The following PTPRN2 variants were observed in gnomAD, a reference collection of about 807,000 sequenced individuals.
PTPRN2 encodes receptor-type tyrosine-protein phosphatase N2.
In PTPRN2, 74 loss-of-function variants were observed where a neutral mutation model predicts 118.8. The ratio of observed to expected loss-of-function variants is 0.62; its 90% CI spans 0.52 to 0.76. PTPRN2 has a LOEUF of 0.76. Among genes scored for constraint, PTPRN2 ranks in the 30% least tolerant of loss-of-function variants. The probability of loss-of-function intolerance (pLI) is 0.00; values close to 1 mark genes in which losing one functional copy is unlikely to be tolerated. For missense variants in PTPRN2, 1,481 were observed against 1,394.4 expected (o/e 1.06, Z -0.99); for synonymous variants, 641 against 608.0 (o/e 1.05, Z -0.80).
intron 6 of PTPRN2, among the ~76,000 whole-genome samples, chr7:158,164,076 C>T (rs571343320): frequency 1.8e-4 from 28 of 152,338 alleles, no homozygotes; most frequent in Non-Finnish European, 3.2e-4. Flanking sequence ...TTGTGTAACT[C>T]GTAGGGATCA....
At chr7:158,117,013 GCAAGAAA>G (rs1816777718) in intron 9 of PTPRN2, among the ~76,000 whole-genome samples, 1 of 151,916 alleles carries the variant, frequency 6.6e-6, no homozygotes. Flanking sequence ...ACAAAAAATT[GCAAGAAA>G]CAAGAAACAA....
intron 11 of PTPRN2, among the ~76,000 whole-genome samples, chr7:157,924,611 T>C (rs1798867731): frequency 6.6e-6 from 1 of 152,260 alleles, no homozygotes; most frequent in Non-Finnish European, 1.5e-5. Flanking sequence ...ATCTACAGGA[T>C]GCACGGGGAG....
At position 157,794,347 on chromosome 7, in the gene PTPRN2, C is replaced by T. The variant is rs1804731042; in HGVS notation, c.1788+104326G>A. Among the ~76,000 whole-genome samples the T allele has an allele frequency of 6.6e-6, 1 of 150,956 alleles. No individual in the cohort carries two copies. Among genetic ancestry groups the T allele is most frequent in the African/African-American group, 2.5e-5 (1 of 40,298 alleles). On this transcript the variant is annotated intron_variant, in intron 12 of 22. Transcript: ENST00000389418. The surrounding 1 kb of genome is among the most constrained non-coding windows in gnomAD (Gnocchi z 5.2). ...ACACCTCCCTGCTCCACCCAGGCTGCCTGCACTTCCGGTTCTGCGTCTGGC... is the reference window on the plus strand; with the variant it reads ...ACACCTCCCTGCTCCACCCAGGCTGTCTGCACTTCCGGTTCTGCGTCTGGC...
intron 2 of PTPRN2, among the ~76,000 whole-genome samples, chr7:158,337,734 C>A (rs1586356466): frequency 6.7e-6 from 1 of 148,418 alleles, no homozygotes; most frequent in Non-Finnish European, 1.5e-5. Context: ...ACGTCACTCA[C>A]AACCACACTC....
chr7:158,309,075 T>C (rs1260226510), intron 3 of PTPRN2, among the ~76,000 whole-genome samples: 1 of 152,248 alleles, frequency 6.6e-6, no homozygotes, highest in Non-Finnish European at 1.5e-5. Context: ...ACATCATTCT[T>C]TCACAGTCTT....
In PTPRN2 at chr7:158,274,998, C is replaced by T. The variant is rs111398510; in HGVS notation, c.277+41821G>A. On this transcript the variant is annotated intron_variant, in intron 3 of 22. Coordinates refer to ENST00000389418, the MANE Select transcript of PTPRN2 (RefSeq NM_002847.5). ...CTGGGGCGTAGCAGAGTCCTGTCTCCCCCCAAAATAGGGAGCACTTTCTGA... is the reference window on the plus strand; with the variant it reads ...CTGGGGCGTAGCAGAGTCCTGTCTCTCCCCAAAATAGGGAGCACTTTCTGA... Among the ~76,000 whole-genome samples, 1,248 of 152,290 alleles carry T rather than the reference C, an allele frequency of 8.2e-3. 16 individuals carry two copies. The highest frequency in any genetic ancestry group is 0.028 in the African/African-American group (1,171 of 41,544).
At chr7:157,691,955 C>T (rs970699989) in intron 12 of PTPRN2, among the ~76,000 whole-genome samples, 45 of 152,228 alleles carry the variant, frequency 3.0e-4, no homozygotes, top group African/African-American at 8.7e-4. Flanking sequence ...GGCGCCCCCG[C>T]GGAGCTGGCG....
intron 12 of PTPRN2, among the ~76,000 whole-genome samples, chr7:157,701,299 C>G (rs1798055300): frequency 6.6e-6 from 1 of 152,230 alleles, no homozygotes; most frequent in South Asian, 2.1e-4. Context: ...CTCAGGCAGG[C>G]TTGGAGTCAC....
At chr7:157,789,770 T>C in intron 12 of PTPRN2, among the ~76,000 whole-genome samples, 1 of 145,102 alleles carries the variant, frequency 6.9e-6, no homozygotes, top group South Asian at 2.2e-4. Flanking sequence ...ATATGTGTGG[T>C]GTGTGTGTAT....
intron 11 of PTPRN2, among the ~76,000 whole-genome samples, chr7:158,065,813 C>T (rs985699021): frequency 7.2e-5 from 11 of 152,236 alleles, no homozygotes; most frequent in African/African-American, 9.6e-5. Flanking sequence ...GGAGAAATTG[C>T]GTATTTAAAA....
chr7:158,143,225 T>A (rs1277933757), intron 6 of PTPRN2, among the ~76,000 whole-genome samples: 1 of 151,996 alleles, frequency 6.6e-6, no homozygotes, highest in African/African-American at 2.4e-5. Context: ...GGAAGAGCTG[T>A]GTCTGGAAAA....
intron 12 of PTPRN2, among the ~76,000 whole-genome samples, chr7:157,754,160 G>C (rs568234413): frequency 6.6e-6 from 1 of 152,252 alleles, no homozygotes; most frequent in Admixed American, 6.5e-5. Flanking sequence ...GCAGGGCCTG[G>C]TGCGGGCCCT....
intron 12 of PTPRN2, among the ~76,000 whole-genome samples, chr7:157,757,021 C>T (rs1264103735): frequency 6.6e-6 from 1 of 152,164 alleles, no homozygotes; most frequent in Non-Finnish European, 1.5e-5. Context: ...CAGGAGCCGC[C>T]GTGTGGGGTG....
chr7:158,585,413 G>A (rs543396685), intron 1 of PTPRN2, among the ~76,000 whole-genome samples: 9 of 152,308 alleles, frequency 5.9e-5, no homozygotes, highest in East Asian at 1.9e-4. Flanking sequence ...TGGAGTCCTC[G>A]AAACAATTTC....
chr7:157,962,083 CA>C (rs1266589915), intron 11 of PTPRN2, among the ~76,000 whole-genome samples: 1 of 152,208 alleles, frequency 6.6e-6, no homozygotes, highest in Non-Finnish European at 1.5e-5. Flanking sequence ...GCGGGAAACA[CA>C]GGATGTGAAA....
chr7:157,911,048 G>A (rs1424751602), intron 11 of PTPRN2, among the ~76,000 whole-genome samples: 1 of 152,222 alleles, frequency 6.6e-6, no homozygotes. Flanking sequence ...GCTGGAAGTG[G>A]GCTGTTCATC....
rs1801944406 is a variant in PTPRN2 at position 157,605,398 on chromosome 7, T to C, written c.2345-1323A>G. On this transcript the variant is annotated intron_variant, in intron 15 of 22. Transcript: ENST00000389418. ...GGTCCCAAAGATGGAGTCACAGGCCTAGCTCCGGGAGCTCCCAGGTCTGGG... is the reference window on the plus strand; with the variant it reads ...GGTCCCAAAGATGGAGTCACAGGCCCAGCTCCGGGAGCTCCCAGGTCTGGG... 3.3e-5 allele frequency among the ~76,000 whole-genome samples: 5 copies of C among 152,220 alleles called. No homozygotes were observed. In the South Asian group the frequency reaches 1.0e-3, roughly 31 times the overall value.
At chr7:157,912,355 A>G (rs988246955) in intron 11 of PTPRN2, among the ~76,000 whole-genome samples, 1 of 152,046 alleles carries the variant, frequency 6.6e-6, no homozygotes, top group Admixed American at 6.6e-5. Flanking sequence ...CCATTTTTCT[A>G]CTGGGTTATT....
At chr7:158,007,652 G>T (rs1805721316) in intron 11 of PTPRN2, among the ~76,000 whole-genome samples, 1 of 152,186 alleles carries the variant, frequency 6.6e-6, no homozygotes, top group Non-Finnish European at 1.5e-5. Context: ...GGGCTAGAAA[G>T]AAAAGTATCA....
Sources: allele counts gnomAD v4.1 joint callset (sites outside exome capture counted in the v4.1 genomes callset), GRCh38; gene constraint gnomAD v4.1.1; non-coding constraint Gnocchi (gnomAD v3.1); transcripts MANE v1.5; gene names NCBI Gene and HGNC (gene_info 2026-07-23, HGNC 2026-07-21).